The following ZNF613 variants were observed in gnomAD, a reference collection of about 807,000 sequenced individuals.
The protein encoded by ZNF613 is zinc finger protein 613.
A neutral mutation model predicts 14.3 loss-of-function variants in ZNF613; 8 were observed. The observed-to-expected ratio is 0.56, with a 90% CI of 0.33 to 1.01. ZNF613 has a LOEUF of 1.01. Ranked by LOEUF, ZNF613 falls within the 50% of genes least tolerant of loss-of-function variation. The pLI is 0.03. For missense variants in ZNF613, 656 were observed against 741.9 expected (o/e 0.88, Z 1.35); for synonymous variants, 228 against 254.5 (o/e 0.90, Z 0.99).
At chr19:51,932,245 T>A (rs994501444) in intron 2 of ZNF613, among the ~76,000 whole-genome samples, 6 of 151,262 alleles carry the variant, frequency 4.0e-5, no homozygotes, top group African/African-American at 1.5e-4. Context: ...GATCATGTAC[T>A]CTCCAGTGGA....
intron 2 of ZNF613, among the ~76,000 whole-genome samples, chr19:51,931,060 C>T (rs2085260356): frequency 6.6e-6 from 1 of 152,128 alleles, no homozygotes; most frequent in Non-Finnish European, 1.5e-5. Context: ...AACTGAGGTA[C>T]ATGTATTTTT....
At chr19:51,938,500 T>C (rs1248945470) in intron 3 of ZNF613, among the ~76,000 whole-genome samples, 1 of 151,956 alleles carries the variant, frequency 6.6e-6, no homozygotes, top group Non-Finnish European at 1.5e-5. Context: ...CTTTCTAAGG[T>C]TCTCTGTATG....
chr19:51,943,029 G>A (rs1334858391), intron 5 of ZNF613, among the ~76,000 whole-genome samples: 3 of 152,104 alleles, frequency 2.0e-5, no homozygotes, highest in Admixed American at 2.0e-4. Context: ...TATGAGATGA[G>A]GAAACATGAG....
At chr19:51,942,159 A>C (rs1041207476) in intron 5 of ZNF613, among the ~76,000 whole-genome samples, 1 of 152,196 alleles carries the variant, frequency 6.6e-6, no homozygotes, top group Non-Finnish European at 1.5e-5. Flanking sequence ...CATAAATTCA[A>C]AGCCAACTAT....
In ZNF613 at chr19:51,945,548, C is replaced by A; in HGVS notation, c.1665C>A (p.Ser555Arg). The A allele has an allele frequency of 6.2e-7, 1 of 1,614,154 alleles. No homozygotes were observed. Among genetic ancestry groups the A allele is most frequent in the Non-Finnish European group, 8.5e-7 (1 of 1,180,018 alleles). The change falls in exon 6 of 6, where the codon AGC becomes AGA. Residue 555 changes from serine to arginine, a missense_variant. Ser to Arg is a moderately radical substitution (Grantham distance 110). Coordinates refer to ENST00000293471, the MANE Select transcript of ZNF613 (RefSeq NM_001031721.4). The part of the protein sequence containing the change: ...KLENPCSESH[S>R]LSHTRDLIQD... ...AAAATCCTTGCTCAGAGAGTCATAG[C>A]TTATCACATACACGTGATCTCATAC...
chr19:51,936,132 A>G lies in ZNF613; in HGVS notation c.-89A>G. 5 of 1,423,188 alleles carry G rather than the reference A, an allele frequency of 3.5e-6. No individual in the cohort carries two copies. The highest frequency in any genetic ancestry group is 1.4e-5 in the African/African-American group (1 of 69,648). The allele number at this position is 1,423,188 out of a possible 1,614,324, so 88.2% of individuals were successfully genotyped here. On this transcript the variant is annotated 5_prime_UTR_variant, in exon 3 of 6. Transcript: ENST00000293471. ...CAGGGATGTAATTCACCAGAGACCA[A>G]GATTTCTAGCCAGAAATTGAGGGCA...
intron 2 of ZNF613, among the ~76,000 whole-genome samples, chr19:51,932,728 C>T (rs1014461971): frequency 1.3e-4 from 19 of 150,950 alleles, no homozygotes; most frequent in African/African-American, 3.9e-4. Context: ...CAGGCTGGAG[C>T]GCATTGGCAC....
chr19:51,944,008 T>A (rs1264938213), intron 5 of ZNF613, 111 bp from the exon 6 acceptor site: 2 of 803,654 alleles, frequency 2.5e-6, no homozygotes, highest in Non-Finnish European at 3.5e-6. Flanking sequence ...TACTTGGAGT[T>A]TTTTAAACAG....
rs758947809 is a variant in ZNF613 at position 51,944,253 on chromosome 19, C to T, written c.370C>T (p.Gln124Ter). Residue 124 changes from glutamine to a stop codon, truncating the protein, a stop_gained, in exon 6 of 6, where the codon CAA (glutamine) becomes TAA (stop). Transcript: ENST00000293471. LOFTEE classifies it low-confidence loss of function (END_TRUNC). ...HQRKSDFPLR[Q>*]NHDTFDLHGK... Reference sequence around the variant, plus strand: ...GAGGAAAAGTGATTTTCCTTTAAGGCAAAATCATGATACATTTGACTTACA... The same window carrying T: ...GAGGAAAAGTGATTTTCCTTTAAGGTAAAATCATGATACATTTGACTTACA... 6.2e-7 allele frequency: 1 copy of T among 1,610,238 alleles called. No individual in the cohort carries two copies. Among genetic ancestry groups the T allele is most frequent in the Non-Finnish European group, 8.5e-7 (1 of 1,177,942 alleles).
At chr19:51,933,376 T>C (rs1228150905) in intron 2 of ZNF613, among the ~76,000 whole-genome samples, 1 of 152,188 alleles carries the variant, frequency 6.6e-6, no homozygotes, top group Non-Finnish European at 1.5e-5. Context: ...CCTCCCTGAG[T>C]GAATTCCAAA....
chr19:51,944,792 C>T lies in ZNF613; in HGVS notation c.909C>T (p.Leu303=), dbSNP rs764362591. 30 of 1,613,648 alleles carry T rather than the reference C, an allele frequency of 1.9e-5. No individual in the cohort carries two copies. The highest frequency in any genetic ancestry group is 2.5e-5 in the Non-Finnish European group (30 of 1,180,004). The change falls in exon 6 of 6, where the codon CTC becomes CTT. Residue 303 remains leucine (L), a synonymous_variant. Transcript: ENST00000293471. ...AAGGCTTCATCAAGAAGTCTCGGCT[C>T]ATTAATCATCAGAGAGTTCATACAG... is the stretch of plus-strand genomic sequence containing the variant. ...CGKGFIKKSR[L]INHQRVHTGE...
At chr19:51,934,932 C>T (rs559850165) in intron 2 of ZNF613, among the ~76,000 whole-genome samples, 27 of 152,310 alleles carry the variant, frequency 1.8e-4, no homozygotes, top group African/African-American at 6.5e-4. Flanking sequence ...AAGTGTGAAA[C>T]ATCTCTTGCC....
rs749820693 is a variant in ZNF613 at position 51,945,700 on chromosome 19, G to T, written c.1817G>T (p.Ser606Ile). Residue 606 changes from serine to isoleucine, a missense_variant, in exon 6 of 6, where the codon AGT (serine) becomes ATT (isoleucine). By Grantham distance (142) the Ser-to-Ile change is moderately radical. Coordinates refer to ENST00000293471, the MANE Select transcript of ZNF613 (RefSeq NM_001031721.4). ...ATTGTGAGCCAGCCTGTTGCCAGAA[G>T]TTCAGTCTCAGCAGATAGTAGAATT... is the stretch of plus-strand genomic sequence containing the variant. ...VAIVSQPVAR[S>I]SVSADSRICT... 6.2e-6 allele frequency: 10 copies of T among 1,614,050 alleles called. No individual in the cohort carries two copies. In the African/African-American group the frequency reaches 1.1e-4, roughly 17 times the overall value.
chr19:51,942,044 A>C (rs1035500905), intron 5 of ZNF613, among the ~76,000 whole-genome samples: 1 of 152,220 alleles, frequency 6.6e-6, no homozygotes, highest in Admixed American at 6.5e-5. Flanking sequence ...GAATCATAGC[A>C]GTCATATAAG....
Position 51,945,338 on chromosome 19 carries a change from A to G in ZNF613, c.1455A>G (p.Thr485=). ...TTCACACAGGAGAGAAACCCTATAC[A>G]TGCAGTGACTGTGGGAAAGCTTTCA... is the stretch of plus-strand genomic sequence containing the variant. The part of the protein sequence containing the change: ...QRIHTGEKPY[T]CSDCGKAFRD... The change falls in exon 6 of 6, where the codon ACA becomes ACG. Residue 485 remains threonine (T), a synonymous_variant. Transcript: ENST00000293471. 6.2e-7 allele frequency: 1 copy of G among 1,614,158 alleles called. No homozygotes were observed. The highest frequency in any genetic ancestry group is 1.1e-5 in the South Asian group (1 of 91,080).
At chr19:51,929,710 C>G (rs2085248570) in intron 1 of ZNF613, 22 bp from the exon 2 acceptor site, 1 of 152,008 alleles carries the variant, frequency 6.6e-6, no homozygotes, top group African/African-American at 2.4e-5. Context: ...CATCATTAAT[C>G]CACCTTTTTT....
intron 3 of ZNF613, among the ~76,000 whole-genome samples, chr19:51,937,459 A>G (rs2085312907): frequency 6.6e-6 from 1 of 152,176 alleles, no homozygotes; most frequent in Non-Finnish European, 1.5e-5. Context: ...GTGAGTAAAA[A>G]CAGCACAATG....
rs540973466 is a variant in ZNF613, at chr19:51,944,692, G to A, written c.809G>A (p.Arg270His). 58 of 1,613,954 alleles carry A rather than the reference G, an allele frequency of 3.6e-5. No individual in the cohort carries two copies. Among genetic ancestry groups the A allele is most frequent in the South Asian group, 4.4e-5 (4 of 91,060 alleles). ...TGCACTGAATGTGACAAAGCATTCCGCTGGAAATCACAGCTCAATGCACAC... is the reference window on the plus strand; with the variant it reads ...TGCACTGAATGTGACAAAGCATTCCACTGGAAATCACAGCTCAATGCACAC... ...YECTECDKAF[R>H]WKSQLNAHQK... The change falls in exon 6 of 6, where the codon CGC becomes CAC. Residue 270 changes from arginine (R) to histidine (H), a missense_variant. Transcript: ENST00000293471.
intron 3 of ZNF613, 54 bp from the exon 4 acceptor site, chr19:51,940,155 C>A (rs780519087): frequency 1.3e-6 from 2 of 1,596,310 alleles, no homozygotes; most frequent in Non-Finnish European, 8.6e-7. Flanking sequence ...CTTCACATTT[C>A]TTCCATATAA....
Sources: allele counts gnomAD v4.1 joint callset (sites outside exome capture counted in the v4.1 genomes callset), GRCh38; gene constraint gnomAD v4.1.1; transcripts MANE v1.5; gene names NCBI Gene and HGNC (gene_info 2026-07-23, HGNC 2026-07-21).